The following SLC41A3 variants were observed in gnomAD, a reference collection of about 807,000 sequenced individuals.
The protein encoded by SLC41A3 is SLC41A1-like 2.
Under a neutral mutation model 45.4 loss-of-function variants are expected in SLC41A3, and 44 were observed. The ratio of observed to expected loss-of-function variants is 0.97; its 90% CI spans 0.76 to 1.25. The LOEUF is 1.25. SLC41A3 is among the 50% of genes most tolerant of loss of function. SLC41A3 has a pLI of 0.00. For synonymous variants in SLC41A3, 256 were observed against 252.4 expected (o/e 1.01, Z -0.13); for missense variants, 550 against 600.6 (o/e 0.92, Z 0.88).
intron 2 of SLC41A3, chr3:126,058,114 TG>T (rs1455705937): frequency 1.3e-5 from 2 of 152,222 alleles, no homozygotes; most frequent in Admixed American, 1.3e-4. Flanking sequence ...TGCACATGAG[TG>T]GGCCGTCTTG....
intron 6 of SLC41A3, among the ~76,000 whole-genome samples, chr3:126,017,798 G>A (rs771788488): frequency 2.6e-5 from 4 of 152,136 alleles, no homozygotes; most frequent in Non-Finnish European, 5.9e-5. Flanking sequence ...CTGCACTAAA[G>A]GGTTATGGCC....
chr3:126,011,973 T>C (rs1464278240), intron 9 of SLC41A3, among the ~76,000 whole-genome samples: 1 of 152,242 alleles, frequency 6.6e-6, no homozygotes, highest in Admixed American at 6.5e-5. Context: ...CTTCCAGTGG[T>C]TCTGAGTAGA....
chr3:126,018,387 G>A (rs1940520999), intron 6 of SLC41A3, among the ~76,000 whole-genome samples: 1 of 152,156 alleles, frequency 6.6e-6, no homozygotes, highest in African/African-American at 2.4e-5. Context: ...GTAAAGTTAG[G>A]TCATCTTATT....
At chr3:126,087,801 A>AAAG (rs1553748266), upstream of SLC41A3, among the ~76,000 whole-genome samples, 4 of 151,778 alleles carry the variant, frequency 2.6e-5, no homozygotes, top group Non-Finnish European at 5.9e-5. Context: ...GTTTAAAAAA[A>AAAG]AAAAGATTGT....
chr3:126,101,163 G>A (rs544392466), intron 1 of SLC41A3, among the ~76,000 whole-genome samples: 51 of 152,310 alleles, frequency 3.3e-4, no homozygotes, highest in African/African-American at 1.2e-3. Flanking sequence ...CACTGGGTCT[G>A]CTTCCAGCCA....
At chr3:126,057,480 G>A (rs1488228164) in intron 2 of SLC41A3, among the ~76,000 whole-genome samples, 2 of 152,204 alleles carry the variant, frequency 1.3e-5, no homozygotes, top group African/African-American at 4.8e-5. Flanking sequence ...GGGCAGGCTG[G>A]GGCAGGCAGA....
intron 3 of SLC41A3, among the ~76,000 whole-genome samples, chr3:126,041,591 T>C (rs531845221): frequency 1.1e-4 from 17 of 152,328 alleles, no homozygotes; most frequent in African/African-American, 4.1e-4. Context: ...GAACATTGCA[T>C]TCCCTAGCCA....
At chr3:126,082,226 G>A (rs1295700912) in intron 1 of SLC41A3, among the ~76,000 whole-genome samples, 1 of 152,192 alleles carries the variant, frequency 6.6e-6, no homozygotes, top group African/African-American at 2.4e-5. Context: ...GGCTGGAGGA[G>A]GCTCCTGTGG....
chr3:126,012,278 T>C (rs1939793321), intron 9 of SLC41A3, among the ~76,000 whole-genome samples: 1 of 152,234 alleles, frequency 6.6e-6, no homozygotes, highest in African/African-American at 2.4e-5. Context: ...CACTCTGCAC[T>C]TTTGCTGCTC....
intron 4 of SLC41A3, among the ~76,000 whole-genome samples, chr3:126,027,989 T>C (rs1941498351): frequency 6.6e-6 from 1 of 152,170 alleles, no homozygotes; most frequent in Non-Finnish European, 1.5e-5. Context: ...TAAACTATGC[T>C]CATATGCATG....
At chr3:126,034,333 C>A (rs1942030916) in intron 3 of SLC41A3, among the ~76,000 whole-genome samples, 1 of 152,184 alleles carries the variant, frequency 6.6e-6, no homozygotes, top group African/African-American at 2.4e-5. Flanking sequence ...ATAACACTTA[C>A]CAACAAAATT....
At chr3:126,034,945 C>T (rs889476512) in intron 3 of SLC41A3, among the ~76,000 whole-genome samples, 1 of 152,228 alleles carries the variant, frequency 6.6e-6, no homozygotes, top group Non-Finnish European at 1.5e-5. Context: ...GGCAGCCTGG[C>T]CCTTGCTGTG....
chr3:126,079,752 C>T (rs908514144), intron 1 of SLC41A3, among the ~76,000 whole-genome samples: 3 of 152,198 alleles, frequency 2.0e-5, no homozygotes, highest in African/African-American at 7.2e-5. Context: ...TTATATGTAA[C>T]TACAATAGAC....
At chr3:126,008,174 G>A (rs1024628109) in intron 10 of SLC41A3, among the ~76,000 whole-genome samples, 2 of 152,266 alleles carry the variant, frequency 1.3e-5, no homozygotes, top group Non-Finnish European at 2.9e-5. Context: ...CGCGCAGTGT[G>A]TGGCATGTTG....
At chr3:126,066,404 A>G (rs1348029966) in intron 2 of SLC41A3, among the ~76,000 whole-genome samples, 1 of 152,224 alleles carries the variant, frequency 6.6e-6, no homozygotes, top group Non-Finnish European at 1.5e-5. Flanking sequence ...TATCATATGA[A>G]CCATGTGTGT....
intron 1 of SLC41A3, among the ~76,000 whole-genome samples, chr3:126,101,073 C>G (rs775656624): frequency 6.6e-6 from 1 of 152,346 alleles, no homozygotes; most frequent in Non-Finnish European, 1.5e-5. Flanking sequence ...TCCTCCATCG[C>G]GGGCAGCCGC....
At chr3:126,028,390 C>T (rs1360065164) in intron 4 of SLC41A3, among the ~76,000 whole-genome samples, 9 of 152,268 alleles carry the variant, frequency 5.9e-5, no homozygotes, top group Non-Finnish European at 1.3e-4. Context: ...GCTGCTGTTT[C>T]AGAGGATGCA....
At chr3:126,081,783 CCA>C in intron 1 of SLC41A3, among the ~76,000 whole-genome samples, 1 of 152,346 alleles carries the variant, frequency 6.6e-6, no homozygotes. Flanking sequence ...CCACTCCAGG[CCA>C]CACATCCTCA....
At chr3:126,012,011 C>T (rs1360610258) in intron 9 of SLC41A3, among the ~76,000 whole-genome samples, 3 of 152,264 alleles carry the variant, frequency 2.0e-5, no homozygotes, top group Non-Finnish European at 4.4e-5. Flanking sequence ...AACTCCAAGG[C>T]TCTGTCGGAT....
Sources: allele counts gnomAD v4.1 joint callset (sites outside exome capture counted in the v4.1 genomes callset), GRCh38; gene constraint gnomAD v4.1.1; transcripts MANE v1.5; gene names NCBI Gene and HGNC (gene_info 2026-07-23, HGNC 2026-07-21).